Variants in PCCA observed in about 807,000 individuals in gnomAD.
PCCA encodes the protein propionyl-CoA carboxylase subunit alpha.
A neutral mutation model predicts 101.3 loss-of-function variants in PCCA; 74 were observed. The ratio of observed to expected loss-of-function variants is 0.73; its 90% CI spans 0.61 to 0.89. The LOEUF (loss-of-function observed/expected upper bound fraction) is 0.89. PCCA is among the 40% of genes least tolerant of loss of function. The pLI is 0.00. For synonymous variants in PCCA, 294 were observed against 313.6 expected (o/e 0.94, Z 0.66); for missense variants, 891 against 907.0 (o/e 0.98, Z 0.23).
At chr13:100,414,905 T>C (rs2152876171) in intron 19 of PCCA, among the ~76,000 whole-genome samples, 1 of 152,328 alleles carries the variant, frequency 6.6e-6, no homozygotes, top group South Asian at 2.1e-4. Flanking sequence ...GCATCTACTG[T>C]ATACAAGCAC....
chr13:100,113,719 C>T (rs1189846151), intron 4 of PCCA, among the ~76,000 whole-genome samples: 3 of 151,910 alleles, frequency 2.0e-5, no homozygotes, highest in Admixed American at 1.3e-4. Context: ...GCTGGGATTA[C>T]AGGCATGTGT....
At chr13:100,315,339 C>A (rs532806276) in intron 16 of PCCA, among the ~76,000 whole-genome samples, 1 of 151,196 alleles carries the variant, frequency 6.6e-6, no homozygotes, top group Non-Finnish European at 1.5e-5. Flanking sequence ...AGCAAGAACC[C>A]CCACTCTCCA....
chr13:100,442,693 A>G (rs1249547892), intron 20 of PCCA, among the ~76,000 whole-genome samples: 8 of 152,228 alleles, frequency 5.3e-5, no homozygotes, highest in Admixed American at 6.5e-5. Context: ...AAATACCTAA[A>G]TAAGGTGATT....
intron 20 of PCCA, among the ~76,000 whole-genome samples, chr13:100,444,361 G>A (rs2080609546): frequency 6.9e-6 from 1 of 145,350 alleles, no homozygotes; most frequent in East Asian, 2.0e-4. Context: ...CCACCACCAC[G>A]CCCGGCTAAT....
chr13:100,403,917 CCA>C (rs1286354877), intron 19 of PCCA, among the ~76,000 whole-genome samples: 7 of 152,170 alleles, frequency 4.6e-5, no homozygotes, highest in Non-Finnish European at 1.0e-4. Context: ...CCCCTCCCTC[CCA>C]CCTGGCTGTC....
intron 21 of PCCA, among the ~76,000 whole-genome samples, chr13:100,485,449 A>T (rs906421463): frequency 6.6e-6 from 1 of 152,238 alleles, no homozygotes; most frequent in Non-Finnish European, 1.5e-5. Context: ...CTTACAAACC[A>T]GTCAGCACAT....
intron 23 of PCCA, 44 bp downstream of exon 23, chr13:100,527,796 G>A: frequency 1.5e-6 from 2 of 1,372,324 alleles, no homozygotes; most frequent in African/African-American, 1.4e-5. Context: ...CCCTGTGATG[G>A]AGGAACGCCC....
chr13:100,446,242 C>G (rs2080822992), intron 20 of PCCA, among the ~76,000 whole-genome samples: 1 of 152,060 alleles, frequency 6.6e-6, no homozygotes, highest in African/African-American at 2.4e-5. Flanking sequence ...GTTGGGCAGG[C>G]TGGTCTCAAA....
chr13:100,328,390 A>ATAT (rs146369484), intron 16 of PCCA, among the ~76,000 whole-genome samples: 1 of 144,598 alleles, frequency 6.9e-6, no homozygotes, highest in East Asian at 2.0e-4. Flanking sequence ...AATAATAATA[A>ATAT]TAATAATAAT....
At chr13:100,295,374 A>G (rs1320348753) in intron 12 of PCCA, among the ~76,000 whole-genome samples, 1 of 152,236 alleles carries the variant, frequency 6.6e-6, no homozygotes. Flanking sequence ...ATACTAAACT[A>G]CTTTGCTAAG....
At chr13:100,226,426 T>C (rs1316790101) in intron 7 of PCCA, among the ~76,000 whole-genome samples, 1 of 152,168 alleles carries the variant, frequency 6.6e-6, no homozygotes, top group Non-Finnish European at 1.5e-5. Context: ...AAGTAGGCAG[T>C]AGCAAGTGAG....
At chr13:100,467,252 T>G (rs7981326) in intron 21 of PCCA, among the ~76,000 whole-genome samples, 21,451 of 152,106 alleles carry the variant, frequency 0.14, 2,990 homozygotes, top group African/African-American at 0.36. Flanking sequence ...AGCAATTTGA[T>G]GGGACAAAAC....
At chr13:100,327,880 G>A (rs777225837) in intron 16 of PCCA, among the ~76,000 whole-genome samples, 18 of 152,050 alleles carry the variant, frequency 1.2e-4, no homozygotes, top group Non-Finnish European at 1.6e-4. Context: ...TCTTATAATT[G>A]TGTTGTAAGT....
chr13:100,216,451 G>A (rs550296824), intron 7 of PCCA, among the ~76,000 whole-genome samples: 2 of 152,176 alleles, frequency 1.3e-5, no homozygotes, highest in Non-Finnish European at 2.9e-5. Context: ...CTTCCTACAC[G>A]GAGCGTAAGC....
chr13:100,444,338 C>T (rs770318797), intron 20 of PCCA, among the ~76,000 whole-genome samples: 13 of 149,348 alleles, frequency 8.7e-5, no homozygotes, highest in African/African-American at 3.2e-4. Flanking sequence ...TTGAGTAGCT[C>T]GGATTACAGG....
chr13:100,147,739 C>G (rs2052754684), intron 4 of PCCA, among the ~76,000 whole-genome samples: 1 of 152,158 alleles, frequency 6.6e-6, no homozygotes, highest in South Asian at 2.1e-4. Flanking sequence ...GTTTCCTCCC[C>G]TAACCTAACT....
intron 21 of PCCA, among the ~76,000 whole-genome samples, chr13:100,459,774 C>T (rs1474732999): frequency 6.6e-6 from 1 of 152,202 alleles, no homozygotes; most frequent in Non-Finnish European, 1.5e-5. Context: ...GCTTAAACAA[C>T]AGATGTTTAT....
At chr13:100,133,215 C>T (rs2050734226) in intron 4 of PCCA, among the ~76,000 whole-genome samples, 2 of 152,172 alleles carry the variant, frequency 1.3e-5, no homozygotes, top group Admixed American at 1.3e-4. Flanking sequence ...AGTGAATAAG[C>T]TTTGCCTGTT....
At chr13:100,139,074 CT>C (rs1566558765) in intron 4 of PCCA, among the ~76,000 whole-genome samples, 1 of 151,808 alleles carries the variant, frequency 6.6e-6, no homozygotes, top group African/African-American at 2.4e-5. Context: ...ATGTCACTTC[CT>C]TCTGGTCTTT....
Sources: gnomAD v4.1 joint callset for allele counts (sites outside exome capture counted in the v4.1 genomes callset) on GRCh38, gnomAD v4.1.1 for gene constraint, MANE v1.5 for transcripts, NCBI Gene and HGNC (gene_info 2026-07-23, HGNC 2026-07-21) for gene names.